The following TLN2 variants were observed in gnomAD, a reference collection of about 807,000 sequenced individuals.
TLN2 encodes talin 2.
TLN2 carries 118 observed loss-of-function variants against 294.7 expected under a neutral mutation model. The observed-to-expected ratio is 0.40, with a 90% confidence interval of 0.34 to 0.47. TLN2 has a LOEUF of 0.47. TLN2 is among the 20% of genes least tolerant of loss of function. TLN2 has a pLI of 0.84. For missense variants in TLN2, 3,083 were observed against 3,282.2 expected (o/e 0.94, Z 1.48); for synonymous variants, 1,431 against 1,304.5 (o/e 1.10, Z -2.09).
chr15:62,688,451 G>A lies in TLN2; in HGVS notation c.1113+1655G>A, dbSNP rs180863285. Among the ~76,000 whole-genome samples the A allele has an allele frequency of 2.0e-5, 3 of 152,210 alleles. No individual in the cohort carries two copies. The East Asian group carries it at 5.8e-4, about 29-fold the overall frequency. On this transcript the variant is annotated intron_variant, in intron 12 of 58. Transcript: ENST00000636159. ...ATCCTTTTTGGTGAGTGTTCTACGA[G>A]TATTCAAAAAGAACATATATTCTGC...
At chr15:62,828,833 T>C (rs888047719) in intron 54 of TLN2, 11 of 152,366 alleles carry the variant, frequency 7.2e-5, no homozygotes, top group African/African-American at 2.6e-4. Flanking sequence ...TGGGCTCCTC[T>C]GCCTGATTTT....
intron 12 of TLN2, 45 bp from the exon 13 acceptor site, chr15:62,692,795 G>GAT (rs752567044): frequency 1.3e-6 from 2 of 1,493,078 alleles, no homozygotes; most frequent in South Asian, 2.3e-5. Context: ...TTAAAATGCT[G>GAT]ATATATCTGA....
chr15:62,825,761 A>AATT (rs1555521810), intron 54 of TLN2, among the ~76,000 whole-genome samples: 6 of 87,280 alleles, frequency 6.9e-5, no homozygotes, highest in South Asian at 3.5e-4. Context: ...ATATAATTAT[A>AATT]ATTATATATT....
intron 2 of TLN2, among the ~76,000 whole-genome samples, chr15:62,592,408 C>G (rs1366402815): frequency 6.6e-6 from 1 of 152,130 alleles, no homozygotes; most frequent in Non-Finnish European, 1.5e-5. Context: ...GGTTTGCTGC[C>G]TAATTGGTAT....
At chr15:62,597,810 C>T (rs867417623) in intron 2 of TLN2, among the ~76,000 whole-genome samples, 2 of 152,288 alleles carry the variant, frequency 1.3e-5, no homozygotes, top group South Asian at 4.1e-4. Flanking sequence ...ATACCTGATA[C>T]ACATAGTCTG....
rs1376487019 is a variant in TLN2 at position 62,841,141 on chromosome 15, T to C, written c.*531T>C. The C allele has an allele frequency of 6.5e-6, 1 of 152,840 alleles. No individual in the cohort carries two copies. Among genetic ancestry groups the C allele is most frequent in the Non-Finnish European group, 1.5e-5 (1 of 68,226 alleles). 9.5% of individuals were successfully genotyped at this position (152,840 alleles called of 1,614,324 possible). On this transcript the variant is annotated 3_prime_UTR_variant, in exon 59 of 59. Coordinates refer to ENST00000636159, the MANE Select transcript of TLN2 (RefSeq NM_015059.3). ...CTCCTTCCATGTCTTGAGCACTGGC[T>C]CACCCAGGGGGTGAAAAATTCCCGC...
rs1470223484 is a variant in TLN2, at chr15:62,711,932, G to A, written c.2489G>A (p.Arg830Gln). Residue 830 changes from arginine to glutamine, a missense_variant, in exon 22 of 59, where the codon CGG becomes CAG. Coordinates refer to ENST00000636159, the MANE Select transcript of TLN2 (RefSeq NM_015059.3). ...CTAGGTGAAATGGTGCGCCAGGCGCGGGTTCTGGCCCAAGCCACATCAGAC... is the reference window on the plus strand; with the variant it reads ...CTAGGTGAAATGGTGCGCCAGGCGCAGGTTCTGGCCCAAGCCACATCAGAC... The part of the protein sequence containing the change: ...GDAGEMVRQA[R>Q]VLAQATSDLV... 2 of 1,608,770 alleles carry A rather than the reference G, an allele frequency of 1.2e-6. No individual in the cohort carries two copies. The highest frequency in any genetic ancestry group is 8.5e-7 in the Non-Finnish European group (1 of 1,175,770).
At chr15:62,840,426 G>T in intron 58 of TLN2, 56 bp from the exon 59 acceptor site, 1 of 1,602,958 alleles carries the variant, frequency 6.2e-7, no homozygotes, top group South Asian at 1.1e-5. Context: ...AGTGGGGTGG[G>T]TCGGAGGGTT....
intron 52 of TLN2, among the ~76,000 whole-genome samples, chr15:62,813,210 A>AT (rs1413853795): frequency 1.3e-5 from 2 of 152,146 alleles, no homozygotes; most frequent in African/African-American, 4.8e-5. Flanking sequence ...TCTTCCTTGT[A>AT]TTTTTTGTAG....
chr15:62,833,686 C>G (rs2069127153), intron 55 of TLN2, 57 bp downstream of exon 55: 2 of 1,577,286 alleles, frequency 1.3e-6, no homozygotes, highest in South Asian at 1.2e-5. Flanking sequence ...CCTCAGGGGG[C>G]CCAGGAAAAG....
intron 1 of TLN2, among the ~76,000 whole-genome samples, chr15:62,526,525 C>CAATCCAGGCCCCTGGTTTGG (rs1386210526): frequency 2.0e-4 from 30 of 152,304 alleles, no homozygotes; most frequent in Non-Finnish European, 3.5e-4. Context: ...CACTGTGAGC[C>CAATCCAGGCCCCTGGTTTGG]AATCCAGGCC....
At position 62,722,424 on chromosome 15, in the gene TLN2, G is replaced by A. The variant is rs1445662369; in HGVS notation, c.3063G>A (p.Gln1021=). The A allele has an allele frequency of 1.2e-5, 19 of 1,613,458 alleles. No individual in the cohort carries two copies. Among genetic ancestry groups the A allele is most frequent in the Non-Finnish European group, 1.6e-5 (19 of 1,179,810 alleles). Residue 1021 remains glutamine, a synonymous_variant, in exon 26 of 59, where the codon CAG becomes CAA. Transcript: ENST00000636159. ...TGAGTGACCAGGCCGCAGCCATGCA[G>A]CTGAGCCAGTGTGCCAAGAACCTGG... ...PTVSDQAAAM[Q]LSQCAKNLAT...
Position 62,716,442 on chromosome 15 carries a change from A to G in TLN2, c.2746A>G (p.Ile916Val). ...AAAQNAIKKK[I>V]VNRLEVAAKQ... The stretch of plus-strand genomic sequence containing the variant: ...TGCCCAGAATGCTATTAAGAAAAAA[A>G]TTGTCAACCGACTGGAGGTAAGGAA... Residue 916 changes from isoleucine to valine, a missense_variant, in exon 23 of 59, where the codon ATT becomes GTT. Physicochemically the swap from Ile to Val is conservative, Grantham distance 29. Transcript: ENST00000636159. 1 of 1,605,832 alleles carries G rather than the reference A, an allele frequency of 6.2e-7. No homozygotes were observed. Among genetic ancestry groups the G allele is most frequent in the Non-Finnish European group, 8.5e-7 (1 of 1,176,488 alleles).
intron 19 of TLN2, among the ~76,000 whole-genome samples, chr15:62,705,205 G>T (rs1291986809): frequency 6.6e-6 from 1 of 152,186 alleles, no homozygotes; most frequent in Non-Finnish European, 1.5e-5. Flanking sequence ...AGCAGGGACA[G>T]GCCAGACTTG....
intron 1 of TLN2, among the ~76,000 whole-genome samples, chr15:62,537,219 C>T (rs9806406): frequency 0.13 from 19,760 of 151,942 alleles, 1,344 homozygotes; most frequent in Non-Finnish European, 0.16. Flanking sequence ...GGGGTTTCGC[C>T]GTGTTAGCCA....
intron 1 of TLN2, among the ~76,000 whole-genome samples, chr15:62,570,724 C>T (rs1230615669): frequency 6.6e-6 from 1 of 152,240 alleles, no homozygotes; most frequent in Admixed American, 6.5e-5. Flanking sequence ...GGCCTCTACC[C>T]ACTATGCCAG....
At chr15:62,651,694 T>C (rs1596500289) in intron 5 of TLN2, among the ~76,000 whole-genome samples, 1 of 152,170 alleles carries the variant, frequency 6.6e-6, no homozygotes, top group South Asian at 2.1e-4. Context: ...AAAGAACGTA[T>C]GGAATAAGAT....
At chr15:62,601,032 AT>A (rs1444176997) in intron 2 of TLN2, among the ~76,000 whole-genome samples, 2 of 152,196 alleles carry the variant, frequency 1.3e-5, no homozygotes, top group Admixed American at 6.5e-5. Context: ...TATGTCTCTA[AT>A]ATTTTCGTCT....
chr15:62,614,251 A>T (rs1208195922), intron 2 of TLN2, among the ~76,000 whole-genome samples: 1 of 152,176 alleles, frequency 6.6e-6, no homozygotes, highest in Non-Finnish European at 1.5e-5. Flanking sequence ...ATCATTTATT[A>T]GCTATTTTGT....
Sources: gnomAD v4.1 joint callset for allele counts (sites outside exome capture counted in the v4.1 genomes callset) on GRCh38, gnomAD v4.1.1 for gene constraint, MANE v1.5 for transcripts, NCBI Gene and HGNC (gene_info 2026-07-23, HGNC 2026-07-21) for gene names.